ARPC1B: variants seen among roughly 807,000 people sequenced by gnomAD.
The protein encoded by ARPC1B is actin related protein 2/3 complex subunit 1B, also known as actin-related protein 2/3 complex subunit 1B.
ARPC1B carries 29 observed loss-of-function variants against 46.0 expected under a neutral mutation model. That is an observed-to-expected ratio of 0.63 (90% CI 0.47 to 0.86). ARPC1B has a LOEUF of 0.86. Ranked by LOEUF, ARPC1B falls within the 40% of genes least tolerant of loss-of-function variation. The pLI is 0.00. For synonymous variants in ARPC1B, 201 were observed against 213.9 expected, an observed-to-expected ratio of 0.94 and a Z score of 0.53; for missense variants, 469 against 529.4, an observed-to-expected ratio of 0.89 and a Z score of 1.12.
At position 99,386,685 on chromosome 7, in the gene ARPC1B, A is replaced by G. The variant is rs775048179; in HGVS notation, c.65A>G (p.Gln22Arg). 23 of 1,612,936 alleles carry G rather than the reference A, an allele frequency of 1.4e-5. No homozygotes were observed. Among genetic ancestry groups the G allele is most frequent in the Non-Finnish European group, 2.5e-6 (3 of 1,179,070 alleles). Residue 22 changes from glutamine (Q) to arginine (R), a missense_variant and splice_region_variant, in exon 3 of 10, where the codon CAG becomes CGG. Gln to Arg is a conservative substitution (Grantham distance 43). Coordinates refer to ENST00000646101, the MANE Select transcript of ARPC1B (RefSeq NM_005720.4). ...CAATCTCCCTCCATCTCCCCTTCAG[A>G]GATTGCCATCTGCCCCAACAACCAT... ...SCHAWNKDRTQIAICPNNHEV... is the reference protein window; with the variant it reads ...SCHAWNKDRTRIAICPNNHEV...
In ARPC1B at chr7:99,386,808, G is replaced by A. The variant is rs1336933189; in HGVS notation, c.169+19G>A. On this transcript the variant is annotated intron_variant, in intron 3 of 9. Coordinates refer to ENST00000646101, the MANE Select transcript of ARPC1B (RefSeq NM_005720.4). Reference sequence around the variant, plus strand: ...GTGACAGGTATGTCAGGGTGGCTGGGACCACCGTCCTGAAAGGAGGTGGTG... The same window carrying A: ...GTGACAGGTATGTCAGGGTGGCTGGAACCACCGTCCTGAAAGGAGGTGGTG... 1.3e-6 allele frequency: 2 copies of A among 1,593,438 alleles called. No homozygotes were observed. The highest frequency in any genetic ancestry group is 1.7e-6 in the Non-Finnish European group (2 of 1,162,676).
chr7:99,390,392 G>A (rs533524606), intron 5 of ARPC1B, among the ~76,000 whole-genome samples: 19 of 148,704 alleles, frequency 1.3e-4, no homozygotes, highest in Non-Finnish European at 2.4e-4. Context: ...TTTTGGAGAC[G>A]GACTCTCGCT....
intron 8 of ARPC1B, among the ~76,000 whole-genome samples, chr7:99,393,133 G>A (rs1794630699): frequency 6.6e-6 from 1 of 152,334 alleles, no homozygotes; most frequent in South Asian, 2.1e-4. Flanking sequence ...CGCGTGGGGC[G>A]GAGGCCGGCA....
intron 8 of ARPC1B, among the ~76,000 whole-genome samples, 180 bp from the exon 9 acceptor site, chr7:99,393,849 G>A (rs1794667315): frequency 6.6e-6 from 1 of 151,982 alleles, no homozygotes; most frequent in Non-Finnish European, 1.5e-5. Context: ...TGTCCCATTT[G>A]CCTGCACCTC....
chr7:99,388,030 C>T lies in ARPC1B; in HGVS notation c.170-9C>T. ...ATCAGCCTCCTGTGTTCCCTCCATC[C>T]CCCCACAGGCATCGACTGGGCCCCC... On this transcript the variant is annotated splice_polypyrimidine_tract_variant and intron_variant, in intron 3 of 9. Coordinates refer to ENST00000646101, the MANE Select transcript of ARPC1B (RefSeq NM_005720.4). The T allele has an allele frequency of 2.5e-6, 4 of 1,572,112 alleles. No homozygotes were observed. Among genetic ancestry groups the T allele is most frequent in the Non-Finnish European group, 3.5e-6 (4 of 1,143,966 alleles).
chr7:99,376,074 A>G (rs1392672341), intron 1 of ARPC1B, among the ~76,000 whole-genome samples: 3 of 151,798 alleles, frequency 2.0e-5, no homozygotes, highest in Non-Finnish European at 4.4e-5. Context: ...AAAAAAAAAA[A>G]AAAGCCACGT....
At chr7:99,393,932 C>T (rs1166776008) in intron 8 of ARPC1B, 97 bp from the exon 9 acceptor site, 19 of 1,250,994 alleles carry the variant, frequency 1.5e-5, no homozygotes, top group African/African-American at 7.4e-5. Context: ...CACTAAAGCC[C>T]GCTCCCCAAG....
In ARPC1B at chr7:99,388,030, C is replaced by G. The variant is rs1250471037; in HGVS notation, c.170-9C>G. 1.9e-5 allele frequency: 30 copies of G among 1,571,994 alleles called. No individual in the cohort carries two copies. The Admixed American group carries it at 4.6e-4, about 24-fold the overall frequency. On this transcript the variant is annotated splice_polypyrimidine_tract_variant and intron_variant, in intron 3 of 9. Transcript: ENST00000646101. ...ATCAGCCTCCTGTGTTCCCTCCATC[C>G]CCCCACAGGCATCGACTGGGCCCCC...
At chr7:99,393,408 C>T (rs1371764055) in intron 8 of ARPC1B, among the ~76,000 whole-genome samples, 1 of 152,078 alleles carries the variant, frequency 6.6e-6, no homozygotes, top group Admixed American at 6.5e-5. Flanking sequence ...CCCTACGGTT[C>T]TCTGGGGTGG....
chr7:99,378,456 G>A (rs1261375619), intron 1 of ARPC1B, among the ~76,000 whole-genome samples: 1 of 151,694 alleles, frequency 6.6e-6, no homozygotes, highest in Non-Finnish European at 1.5e-5. Flanking sequence ...CGAGGCGGGT[G>A]GATCACAAGG....
intron 1 of ARPC1B, among the ~76,000 whole-genome samples, chr7:99,376,863 T>G (rs1794042979): frequency 6.8e-6 from 1 of 146,048 alleles, no homozygotes; most frequent in East Asian, 2.0e-4. Flanking sequence ...AAAGCGAGAC[T>G]CTGTCTCCAA....
At chr7:99,390,784 A>AAGCAAT (rs1794547438) in intron 5 of ARPC1B, 109 bp from the exon 6 acceptor site, 1 of 922,894 alleles carries the variant, frequency 1.1e-6, no homozygotes, top group East Asian at 2.5e-5. Flanking sequence ...TGCAGCCTTG[A>AAGCAAT]CCTCCTGGGT....
intron 7 of ARPC1B, 124 bp downstream of exon 7, chr7:99,391,377 A>C: frequency 9.7e-7 from 1 of 1,027,928 alleles, no homozygotes; most frequent in Non-Finnish European, 1.4e-6. Flanking sequence ...GCATTCTCTC[A>C]TGTACCAGAA....
chr7:99,385,635 T>C (rs915280372), intron 1 of ARPC1B, 67 bp from the exon 2 acceptor site: 7 of 1,378,104 alleles, frequency 5.1e-6, no homozygotes, highest in Non-Finnish European at 6.0e-6. Context: ...ATCTGGGGCC[T>C]GGTATGGGTG....
chr7:99,375,173 C>T (rs1793996759), intron 1 of ARPC1B, among the ~76,000 whole-genome samples: 1 of 152,162 alleles, frequency 6.6e-6, no homozygotes, highest in Non-Finnish European at 1.5e-5. Flanking sequence ...GCCCCTGCTC[C>T]CCGGCCCCCA....
chr7:99,391,712 G>A (rs139513293), intron 7 of ARPC1B, among the ~76,000 whole-genome samples: 15 of 146,516 alleles, frequency 1.0e-4, no homozygotes, highest in African/African-American at 3.6e-4. Context: ...AGCTATGGTC[G>A]TACCTCTGCA....
At chr7:99,393,922 C>A in intron 8 of ARPC1B, 107 bp from the exon 9 acceptor site, 2 of 1,128,954 alleles carry the variant, frequency 1.8e-6, no homozygotes, top group Non-Finnish European at 2.7e-6. Flanking sequence ...CGGTACTTCT[C>A]ACTAAAGCCC....
At position 99,377,633 on chromosome 7, in the gene ARPC1B, T is replaced by TTC. The variant is rs1425537360; in HGVS notation, c.-14+2853_-14+2854insCT. ...CAGCTTCTTCTTCTTCTTCTTCTTC[T>TTC]TTTTTTTTTTTATTTGGAGGTGGCG... On this transcript the variant is annotated intron_variant, in intron 1 of 9. Coordinates refer to ENST00000646101, the MANE Select transcript of ARPC1B (RefSeq NM_005720.4). Among the ~76,000 whole-genome samples, 43 of 132,640 alleles carry TTC rather than the reference T, an allele frequency of 3.2e-4. No homozygotes were observed. The South Asian group carries it at 0.013, about 41-fold the overall frequency. The allele number at this position is 132,640 out of a possible 152,430, so 87.0% of individuals were successfully genotyped here.
intron 1 of ARPC1B, among the ~76,000 whole-genome samples, chr7:99,383,423 A>G (rs1233263208): frequency 1.3e-5 from 2 of 152,184 alleles, no homozygotes; most frequent in African/African-American, 2.4e-5. Flanking sequence ...AGCACCTACT[A>G]TGTGCTAAGC....
Sources: gnomAD v4.1 joint callset for allele counts (sites outside exome capture counted in the v4.1 genomes callset) on GRCh38, gnomAD v4.1.1 for gene constraint, MANE v1.5 for transcripts, NCBI Gene and HGNC (gene_info 2026-07-23, HGNC 2026-07-21) for gene names.